Variants in TRIP12 observed in about 807,000 individuals in gnomAD.
TRIP12 encodes thyroid hormone receptor interactor 12, also known as E3 ubiquitin-protein ligase TRIP12.
TRIP12 carries 25 observed loss-of-function variants against 244.2 expected under a neutral mutation model. The ratio of observed to expected loss-of-function variants is 0.10; its 90% confidence interval spans 0.07 to 0.14. The LOEUF is 0.14. TRIP12 is among the 10% of genes least tolerant of loss of function. The pLI is 1.00. For synonymous variants in TRIP12, 905 were observed against 873.1 expected, an observed-to-expected ratio of 1.04 and a Z score of -0.64; for missense variants, 1,677 against 2,486.4, an observed-to-expected ratio of 0.67 and a Z score of 6.92.
At chr2:229,922,572 G>T, upstream of TRIP12, 2 of 1,614,094 alleles carry the variant, frequency 1.2e-6, no homozygotes, top group Non-Finnish European at 1.7e-6. Context: ...CCGCCGCCTA[G>T]CAAAGACTAT....
intron 6 of TRIP12, 103 bp downstream of exon 6, chr2:229,836,745 A>C (rs1169001312): frequency 7.5e-7 from 1 of 1,326,012 alleles, no homozygotes; most frequent in Non-Finnish European, 1.0e-6. Flanking sequence ...AAAACAGAAC[A>C]AGAAGTTTAT....
intron 1 of TRIP12, among the ~76,000 whole-genome samples, chr2:229,921,065 C>T (rs34924699): frequency 0.034 from 4,918 of 143,618 alleles, 116 homozygotes; most frequent in Non-Finnish European, 0.048. Context: ...CCACCAATTT[C>T]CATTCTGATC....
At chr2:229,817,767 G>T (rs927818814) in intron 9 of TRIP12, among the ~76,000 whole-genome samples, 5 of 152,052 alleles carry the variant, frequency 3.3e-5, no homozygotes, top group Admixed American at 3.3e-4. Context: ...GCTAATTTTT[G>T]TATTTTTAGT....
chr2:229,905,165 T>C (rs965514655), intron 1 of TRIP12, among the ~76,000 whole-genome samples: 1 of 150,920 alleles, frequency 6.6e-6, no homozygotes, highest in Non-Finnish European at 1.5e-5. Context: ...TCCCAGCTGC[T>C]AGGGAGGGTG....
In TRIP12 at chr2:229,764,146, TG is replaced by T. The variant is rs2031120389; in HGVS notation, c.*3407del. The T allele has an allele frequency of 6.6e-6, 1 of 152,250 alleles. No individual in the cohort carries two copies. The highest frequency in any genetic ancestry group is 2.4e-5 in the African/African-American group (1 of 41,476). The allele number at this position is 152,250 out of a possible 1,614,324, so 9.4% of individuals were successfully genotyped here. On this transcript the variant is annotated 3_prime_UTR_variant, in exon 42 of 42. Coordinates refer to ENST00000675903, the MANE Select transcript of TRIP12 (RefSeq NM_001348323.3). Reference sequence around the variant, plus strand: ...ATAAGAATTGTTAACTTGAAGTTCTTGGAAAACAGCCAATCCTGTTTTCTAT... The same window carrying T: ...ATAAGAATTGTTAACTTGAAGTTCTTGAAAACAGCCAATCCTGTTTTCTAT...
At chr2:229,769,729 G>A (rs1209364556) in intron 39 of TRIP12, among the ~76,000 whole-genome samples, 6 of 152,042 alleles carry the variant, frequency 3.9e-5, no homozygotes, top group Non-Finnish European at 7.3e-5. Flanking sequence ...AGATGCCAAG[G>A]GAGAGAACAT....
chr2:229,922,747 TTCC>T (rs1355419028), upstream of TRIP12: 13 of 832,572 alleles, frequency 1.6e-5, no homozygotes, highest in Non-Finnish European at 2.2e-5. Flanking sequence ...CCGGGAGATT[TTCC>T]TCGTCACCTC....
intron 24 of TRIP12, among the ~76,000 whole-genome samples, 171 bp from the exon 25 acceptor site, chr2:229,796,953 C>T (rs2042967628): frequency 6.6e-6 from 1 of 152,114 alleles, no homozygotes; most frequent in Non-Finnish European, 1.5e-5. Flanking sequence ...TAAACACACA[C>T]ACACACACAC....
chr2:229,814,680 T>G (rs2048076099), intron 11 of TRIP12, among the ~76,000 whole-genome samples: 1 of 152,234 alleles, frequency 6.6e-6, no homozygotes, highest in Non-Finnish European at 1.5e-5. Context: ...AAGCAAATTT[T>G]GTTGTGCGTT....
intron 4 of TRIP12, among the ~76,000 whole-genome samples, chr2:229,851,147 G>A (rs2058625837): frequency 6.6e-6 from 1 of 152,250 alleles, no homozygotes; most frequent in African/African-American, 2.4e-5. Flanking sequence ...CAGCCCCGGT[G>A]CAGGATCCAC....
rs566709715 is a variant in TRIP12, at chr2:229,875,371, C to G, written c.98+4611G>C. Reference sequence around the variant, plus strand: ...GAAGGAGGTTACACAAAGAAGACAGCTTAATGCAGAGGTTTAGAAAAAAAC... The same window carrying G: ...GAAGGAGGTTACACAAAGAAGACAGGTTAATGCAGAGGTTTAGAAAAAAAC... On this transcript the variant is annotated intron_variant, in intron 2 of 41. Coordinates refer to ENST00000675903, the MANE Select transcript of TRIP12 (RefSeq NM_001348323.3). Among the ~76,000 whole-genome samples the G allele has an allele frequency of 2.6e-5, 4 of 152,280 alleles. No individual in the cohort carries two copies. In the South Asian group the frequency reaches 8.3e-4, roughly 32 times the overall value.
chr2:229,821,952 C>T (rs150966654), intron 8 of TRIP12, among the ~76,000 whole-genome samples: 48 of 152,260 alleles, frequency 3.2e-4, no homozygotes, highest in African/African-American at 9.6e-4. Flanking sequence ...ACAGCCTGGC[C>T]AGCATGGTGA....
chr2:229,786,564 ATTTTTTTTTTTTTTTTT>A lies in TRIP12; in HGVS notation c.4996-726_4996-710del, dbSNP rs34969936. Among the ~76,000 whole-genome samples, 2 of 78,008 alleles carry A rather than the reference ATTTTTTTTTTTTTTTTT, an allele frequency of 2.6e-5. 1 individual carries two copies. Among genetic ancestry groups the A allele is most frequent in the East Asian group, 8.6e-4 (2 of 2,320 alleles). 51.2% of individuals were successfully genotyped at this position (78,008 alleles called of 152,430 possible). Reference sequence around the variant, plus strand: ...AGGCATGCGCCACCACGCCCAGATAATTTTTTTTTTTTTTTTTTTTTTTTTTGTATTTTTAGTAGAGA... The same window carrying A: ...AGGCATGCGCCACCACGCCCAGATAATTTTTTTTTGTATTTTTAGTAGAGA... On this transcript the variant is annotated intron_variant, in intron 33 of 41. Coordinates refer to ENST00000675903, the MANE Select transcript of TRIP12 (RefSeq NM_001348323.3).
intron 1 of TRIP12, among the ~76,000 whole-genome samples, chr2:229,918,062 G>A (rs2075838495): frequency 6.6e-6 from 1 of 152,128 alleles, no homozygotes; most frequent in South Asian, 2.1e-4. Flanking sequence ...GGAAACAAAA[G>A]CAACACATGT....
At chr2:229,859,644 C>CA in intron 3 of TRIP12, 70 bp from the exon 4 acceptor site, 6 of 1,481,042 alleles carry the variant, frequency 4.1e-6, no homozygotes, top group Non-Finnish European at 5.4e-6. Context: ...ATAATGCTTT[C>CA]AAAAAATAAA....
chr2:229,902,998 T>TTTTTTC lies in TRIP12; in HGVS notation c.-50+18876_-50+18881dup, dbSNP rs1384812322. ...AAATACCATTACTGTGTGCGGGTTT[T>TTTTTTC]TTTTTCTTTTTCTTTTTTTCTTTTT... On this transcript the variant is annotated intron_variant, in intron 1 of 41. Transcript: ENST00000675903. 2.1e-3 allele frequency among the ~76,000 whole-genome samples: 126 copies of TTTTTTC among 60,214 alleles called. 2 individuals are homozygous for TTTTTTC. Among genetic ancestry groups the TTTTTTC allele is most frequent in the African/African-American group, 0.011 (118 of 11,034 alleles). 39.5% of individuals were successfully genotyped at this position (60,214 alleles called of 152,430 possible). A position where few individuals can be genotyped will look rare whatever the true frequency, so the allele number is the denominator to read the frequency against.
At chr2:229,829,143 G>T in intron 8 of TRIP12, 50 bp downstream of exon 8, 1 of 1,517,654 alleles carries the variant, frequency 6.6e-7, no homozygotes, top group Non-Finnish European at 9.1e-7. Context: ...AGTAACAATA[G>T]CAGTTGGCTA....
chr2:229,864,047 A>AGTGT (rs371818159), intron 2 of TRIP12, among the ~76,000 whole-genome samples: 147 of 79,254 alleles, frequency 1.9e-3, no homozygotes, highest in Middle Eastern at 9.1e-3. Context: ...AGAGAGAGAG[A>AGTGT]GTGTGTGTGT....
In TRIP12 at chr2:229,830,771, T is replaced by A; in HGVS notation, c.1339A>T (p.Met447Leu). The A allele has an allele frequency of 6.2e-7, 1 of 1,614,092 alleles. No individual in the cohort carries two copies. The highest frequency in any genetic ancestry group is 1.3e-5 in the African/African-American group (1 of 75,042). The change falls in exon 7 of 42, where the codon ATG becomes TTG. Residue 447 changes from methionine (M) to leucine (L), a missense_variant. By Grantham distance (15) the Met-to-Leu change is conservative (BLOSUM62 2). Transcript: ENST00000675903. ...SGESESDDSE[M>L]GRLQALLEAR... is the part of the protein sequence containing the mutation. ...CTGTTTTTACCTTGCAAACGTCCCA[T>A]CTCGGAATCATCTGATTCACTCTCC...
Sources: allele counts gnomAD v4.1 joint callset (sites outside exome capture counted in the v4.1 genomes callset), GRCh38; gene constraint gnomAD v4.1.1; transcripts MANE v1.5; gene names NCBI Gene and HGNC (gene_info 2026-07-23, HGNC 2026-07-21).